Variants in QRFP observed in about 807,000 individuals in gnomAD.
QRFP encodes pyroglutamylated RFamide peptide.
In QRFP, 7 loss-of-function variants were observed where a neutral mutation model predicts 9.1. The observed-to-expected ratio is 0.77, with a 90% CI of 0.44 to 1.45. The LOEUF (loss-of-function observed/expected upper bound fraction) is 1.45. Among genes scored for constraint, QRFP ranks in the 40% most tolerant of loss-of-function variants. The probability of loss-of-function intolerance (pLI) is 0.01; values close to 1 mark genes in which losing one functional copy is unlikely to be tolerated. For missense variants in QRFP, 204 were observed against 185.4 expected, an observed-to-expected ratio of 1.10 and a Z score of -0.58; for synonymous variants, 91 against 80.2, an observed-to-expected ratio of 1.13 and a Z score of -0.72.
At chr9:130,893,966 C>G in intron 2 of QRFP, 128 bp from the exon 3 acceptor site, 11 of 835,586 alleles carry the variant, frequency 1.3e-5, no homozygotes, top group Non-Finnish European at 1.9e-5. Context: ...GCCCGGCTTC[C>G]GAGCAGTGCT....
chr9:130,895,446 C>T (rs757486592), intron 2 of QRFP, among the ~76,000 whole-genome samples: 3 of 152,196 alleles, frequency 2.0e-5, no homozygotes, highest in South Asian at 2.1e-4. Flanking sequence ...GGCCCCAGCG[C>T]GAGTCAGGGC....
At chr9:130,895,116 C>G (rs1831739076) in intron 2 of QRFP, among the ~76,000 whole-genome samples, 2 of 152,188 alleles carry the variant, frequency 1.3e-5, no homozygotes, top group Non-Finnish European at 2.9e-5. Flanking sequence ...TTTCGTCCCC[C>G]AGGGATGGAG....
In QRFP at chr9:130,893,686, G is replaced by A. The variant is rs530362253; in HGVS notation, c.153C>T (p.Ser51=). The change falls in exon 3 of 3, where the codon TCC becomes TCT. Residue 51 remains serine (S), a synonymous_variant. Transcript: ENST00000623824. ...TCAGCCACCGAGAGGAACCCCACAC[G>A]GAGTGGGGTCGGGGCCCCATGGCCA... ...ADLAMGPRPH[S]VWGSSRWLRA... The A allele has an allele frequency of 2.0e-5, 32 of 1,606,996 alleles. No homozygotes were observed. Among genetic ancestry groups the A allele is most frequent in the Middle Eastern group, 3.3e-4 (2 of 6,048 alleles).
intron 2 of QRFP, among the ~76,000 whole-genome samples, 200 bp downstream of exon 2, chr9:130,895,497 T>G (rs1303609677): frequency 6.6e-6 from 1 of 152,166 alleles, no homozygotes; most frequent in Non-Finnish European, 1.5e-5. Context: ...AAAGCACGGG[T>G]GAGGCTGGGT....
At chr9:130,895,224 C>G (rs1831740320) in intron 2 of QRFP, among the ~76,000 whole-genome samples, 1 of 152,218 alleles carries the variant, frequency 6.6e-6, no homozygotes, top group African/African-American at 2.4e-5. Context: ...AGCCCATTCC[C>G]TCCTCCCCAT....
chr9:130,894,607 A>G (rs1049393041), intron 2 of QRFP, among the ~76,000 whole-genome samples: 2 of 152,204 alleles, frequency 1.3e-5, no homozygotes, highest in African/African-American at 4.8e-5. Flanking sequence ...GGCTTCTTCA[A>G]GAAGCATACA....
Position 130,893,345 on chromosome 9 carries a change from T to C in QRFP, c.*83A>G. The stretch of plus-strand genomic sequence containing the variant: ...AGCCTACATCATCTGGGTGTCGTGG[T>C]CTTTGAGACTGGGGGAGAAGGCAGG... On this transcript the variant is annotated 3_prime_UTR_variant, in exon 3 of 3. Transcript: ENST00000623824. 2 of 1,381,002 alleles carry C rather than the reference T, an allele frequency of 1.4e-6. No homozygotes were observed. The highest frequency in any genetic ancestry group is 2.3e-5 in the East Asian group (1 of 42,708). 85.5% of individuals were successfully genotyped at this position (1,381,002 alleles called of 1,614,324 possible).
intron 2 of QRFP, among the ~76,000 whole-genome samples, 184 bp downstream of exon 2, chr9:130,895,512 GC>G (rs1480983780): frequency 6.6e-6 from 1 of 152,266 alleles, no homozygotes; most frequent in Non-Finnish European, 1.5e-5. Context: ...CTGGGTCCCA[GC>G]CCTGGCAGGG....
At chr9:130,894,663 C>G (rs993740931) in intron 2 of QRFP, among the ~76,000 whole-genome samples, 1 of 152,114 alleles carries the variant, frequency 6.6e-6, no homozygotes, top group Admixed American at 6.6e-5. Flanking sequence ...GGGGTGGTGT[C>G]GGTCTCAAAC....
intron 2 of QRFP, 127 bp from the exon 3 acceptor site, chr9:130,893,965 C>T (rs1205800166): frequency 6.0e-6 from 5 of 835,530 alleles, no homozygotes; most frequent in Non-Finnish European, 8.8e-6. Context: ...AGCCCGGCTT[C>T]CGAGCAGTGC....
At chr9:130,895,215 G>A (rs1324764834) in intron 2 of QRFP, among the ~76,000 whole-genome samples, 1 of 152,160 alleles carries the variant, frequency 6.6e-6, no homozygotes, top group Non-Finnish European at 1.5e-5. Flanking sequence ...CAGCGGCCCA[G>A]CCCATTCCCT....
At position 130,895,201 on chromosome 9, in the gene QRFP, T is replaced by TCTGCAGCGGC. The variant is rs1461814963; in HGVS notation, c.-1+486_-1+495dup. ...AGTGGGGGCTTCCACGAGGTGACTT[T>TCTGCAGCGGC]CTGCAGCGGCCCAGCCCATTCCCTC... On this transcript the variant is annotated intron_variant, in intron 2 of 2. Coordinates refer to ENST00000623824, the MANE Select transcript of QRFP (RefSeq NM_198180.3). Among the ~76,000 whole-genome samples the TCTGCAGCGGC allele has an allele frequency of 2.6e-5, 4 of 152,200 alleles. No homozygotes were observed. In the East Asian group the frequency reaches 7.7e-4, roughly 29 times the overall value.
At chr9:130,894,797 G>GCACT (rs1831735026) in intron 2 of QRFP, among the ~76,000 whole-genome samples, 1 of 152,068 alleles carries the variant, frequency 6.6e-6, no homozygotes, top group Non-Finnish European at 1.5e-5. Flanking sequence ...ACTCCACATG[G>GCACT]CACTCGGGGG....
intron 2 of QRFP, among the ~76,000 whole-genome samples, chr9:130,894,315 C>T (rs1831728683): frequency 6.6e-6 from 1 of 152,188 alleles, no homozygotes; most frequent in Non-Finnish European, 1.5e-5. Context: ...GAACGAGTTG[C>T]TCCTGAAAGC....
Position 130,893,340 on chromosome 9 carries a change from C to A in QRFP, c.*88G>T. 7.5e-7 allele frequency: 1 copy of A among 1,334,812 alleles called. No individual in the cohort carries two copies. Among genetic ancestry groups the A allele is most frequent in the Admixed American group, 2.3e-5 (1 of 43,840 alleles). 82.7% of individuals were successfully genotyped at this position (1,334,812 alleles called of 1,614,324 possible). A position where few individuals can be genotyped will look rare whatever the true frequency, so the allele number is the denominator to read the frequency against. On this transcript the variant is annotated 3_prime_UTR_variant, in exon 3 of 3. Coordinates refer to ENST00000623824, the MANE Select transcript of QRFP (RefSeq NM_198180.3). ...AACCAAGCCTACATCATCTGGGTGT[C>A]GTGGTCTTTGAGACTGGGGGAGAAG...
Position 130,893,449 on chromosome 9 carries a change from G to A in QRFP, c.390C>T (p.Ser130=). 6.3e-7 allele frequency: 1 copy of A among 1,586,816 alleles called. No individual in the cohort carries two copies. Among genetic ancestry groups the A allele is most frequent in the Non-Finnish European group, 8.6e-7 (1 of 1,162,230 alleles). The change falls in exon 3 of 3, where the codon AGC becomes AGT. Residue 130 remains serine (S), a synonymous_variant. Transcript: ENST00000623824. ...NGYSRKKGGF[S]FRFGRR ...CCCTTCACCGCCGACCGAAGCGGAA[G>A]CTGAAGCCGCCTTTCTTCCTGCTGT...
Position 130,893,182 on chromosome 9 carries a change from G to T in QRFP, c.*246C>A. 2.7e-6 allele frequency: 1 copy of T among 376,640 alleles called. No homozygotes were observed. The highest frequency in any genetic ancestry group is 4.7e-6 in the Non-Finnish European group (1 of 212,202). The allele number at this position is 376,640 out of a possible 1,614,324, so 23.3% of individuals were successfully genotyped here. On this transcript the variant is annotated 3_prime_UTR_variant, in exon 3 of 3. Transcript: ENST00000623824. ...GCTGCTCGGAGTCAAAGCCCCAGGGGAAGAGAGAGGCTGGGACGACCGAGG... is the reference window on the plus strand; with the variant it reads ...GCTGCTCGGAGTCAAAGCCCCAGGGTAAGAGAGAGGCTGGGACGACCGAGG...
In QRFP at chr9:130,893,667, A is replaced by T; in HGVS notation, c.172T>A (p.Trp58Arg). The T allele has an allele frequency of 6.2e-7, 1 of 1,602,118 alleles. No individual in the cohort carries two copies. Among genetic ancestry groups the T allele is most frequent in the East Asian group, 2.2e-5 (1 of 44,580 alleles). The change falls in exon 3 of 3, where the codon TGG becomes AGG. Residue 58 changes from tryptophan to arginine, a missense_variant. Coordinates refer to ENST00000623824, the MANE Select transcript of QRFP (RefSeq NM_198180.3). ...RPHSVWGSSR[W>R]LRASQPQALL... ...GCCTGTGGCTGTGAAGCTCTCAGCC[A>T]CCGAGAGGAACCCCACACGGAGTGG...
intron 2 of QRFP, among the ~76,000 whole-genome samples, chr9:130,895,371 T>C (rs186168713): frequency 1.7e-3 from 261 of 152,330 alleles, no homozygotes; most frequent in South Asian, 6.2e-3. Context: ...CTTCACCCCT[T>C]TTAGGGGTTC....
Sources: gnomAD v4.1 joint callset for allele counts (sites outside exome capture counted in the v4.1 genomes callset) on GRCh38, gnomAD v4.1.1 for gene constraint, MANE v1.5 for transcripts, NCBI Gene and HGNC (gene_info 2026-07-23, HGNC 2026-07-21) for gene names.